The following ESRRG variants were observed in gnomAD, a reference collection of about 807,000 sequenced individuals.
ESRRG encodes the protein estrogen-related receptor gamma.
In ESRRG, 13 loss-of-function variants were observed where a neutral mutation model predicts 44.0. The observed-to-expected ratio is 0.30, with a 90% CI of 0.19 to 0.47. ESRRG has a LOEUF of 0.47. Ranked by LOEUF, ESRRG falls within the 20% of genes least tolerant of loss-of-function variation. The probability of loss-of-function intolerance (pLI) is 1.00; values close to 1 mark genes in which losing one functional copy is unlikely to be tolerated. For synonymous variants in ESRRG, 215 were observed against 214.6 expected (o/e 1.00, Z -0.02); for missense variants, 395 against 580.6 (o/e 0.68, Z 3.29).
intron 1 of ESRRG, among the ~76,000 whole-genome samples, chr1:216,715,801 T>C (rs1304145104): frequency 6.6e-6 from 1 of 152,046 alleles, no homozygotes. Flanking sequence ...ATTGTGAGTA[T>C]GAAAAAAATA....
chr1:217,130,893 CT>C (rs5780969), intron 1 of ESRRG, among the ~76,000 whole-genome samples: 7 of 151,680 alleles, frequency 4.6e-5, no homozygotes, highest in South Asian at 2.1e-4. Context: ...CTTTTATTGT[CT>C]TTTTTTTAAC....
intron 1 of ESRRG, among the ~76,000 whole-genome samples, chr1:216,962,532 G>A (rs1460018882): frequency 6.6e-6 from 1 of 151,970 alleles, no homozygotes; most frequent in African/African-American, 2.4e-5. Flanking sequence ...TCATCCATTA[G>A]ATGGTGTGTT....
At position 217,002,689 on chromosome 1, in the gene ESRRG, C is replaced by T. The variant is rs138515538; in HGVS notation, c.-105-63016G>A. Among the ~76,000 whole-genome samples, 173 of 152,210 alleles carry T rather than the reference C, an allele frequency of 1.1e-3. 1 individual carries two copies. Among genetic ancestry groups the T allele is most frequent in the African/African-American group, 3.9e-3 (162 of 41,536 alleles). On this transcript the variant is annotated intron_variant, in intron 1 of 7. Transcript: ENST00000359162. Reference sequence around the variant, plus strand: ...GGCATTATAGCTTTTACCTTGTTCTCTTGAATCACTTGCTCTAGGAGAAAC... The same window carrying T: ...GGCATTATAGCTTTTACCTTGTTCTTTTGAATCACTTGCTCTAGGAGAAAC...
At chr1:216,734,904 CTTTTTTT>C (rs11309409) in intron 2 of ESRRG, among the ~76,000 whole-genome samples, 2 of 100,374 alleles carry the variant, frequency 2.0e-5, no homozygotes, top group Admixed American at 2.5e-4. Flanking sequence ...GTTCCATATT[CTTTTTTT>C]TTTTTTTTTT....
intron 1 of ESRRG, among the ~76,000 whole-genome samples, chr1:217,013,859 T>C (rs1468673088): frequency 6.7e-6 from 1 of 150,022 alleles, no homozygotes; most frequent in African/African-American, 2.4e-5. Context: ...GGCTGAAACA[T>C]TAGCACACCA....
intron 1 of ESRRG, among the ~76,000 whole-genome samples, chr1:217,085,665 A>T (rs776947243): frequency 2.6e-5 from 4 of 151,072 alleles, no homozygotes; most frequent in Non-Finnish European, 4.4e-5. Flanking sequence ...TAATTTTTGT[A>T]TTTTTGGTAG....
intron 3 of ESRRG, among the ~76,000 whole-genome samples, chr1:216,576,468 A>C (rs1394078632): frequency 6.6e-6 from 1 of 151,992 alleles, no homozygotes; most frequent in African/African-American, 2.4e-5. Flanking sequence ...GTCTCCTGAT[A>C]GCTATCTGGA....
intron 3 of ESRRG, among the ~76,000 whole-genome samples, chr1:216,622,864 AT>A (rs2062501011): frequency 6.6e-6 from 1 of 152,058 alleles, no homozygotes; most frequent in Non-Finnish European, 1.5e-5. Flanking sequence ...GAATCTCTCT[AT>A]TTTTAGATGG....
At chr1:216,834,629 TGACCAG>T (rs1334545263) in intron 2 of ESRRG, among the ~76,000 whole-genome samples, 6 of 152,330 alleles carry the variant, frequency 3.9e-5, no homozygotes, top group Admixed American at 3.9e-4. Flanking sequence ...TGATTGTCTT[TGACCAG>T]CATCTTGAAG....
intron 2 of ESRRG, among the ~76,000 whole-genome samples, chr1:216,910,593 G>A (rs2060192884): frequency 6.6e-6 from 1 of 152,108 alleles, no homozygotes; most frequent in African/African-American, 2.4e-5. Context: ...ATAAAAATTT[G>A]GCATTTCTAA....
At chr1:216,800,530 C>T (rs1027454717) in intron 2 of ESRRG, among the ~76,000 whole-genome samples, 1 of 152,018 alleles carries the variant, frequency 6.6e-6, no homozygotes, top group African/African-American at 2.4e-5. Context: ...CGAAAGCATC[C>T]CTTTAATAAT....
chr1:216,555,478 G>A (rs188362781), intron 5 of ESRRG, among the ~76,000 whole-genome samples: 145 of 151,392 alleles, frequency 9.6e-4, no homozygotes, highest in African/African-American at 3.2e-3. Flanking sequence ...ACAAAATATA[G>A]TGTGTGTTAT....
chr1:216,662,314 G>A (rs916652363), intron 2 of ESRRG, among the ~76,000 whole-genome samples: 6 of 152,216 alleles, frequency 3.9e-5, no homozygotes, highest in Admixed American at 1.3e-4. Context: ...AAGGCACTTC[G>A]TGAGAAGCAA....
chr1:216,556,914 G>C (rs1366473558), intron 5 of ESRRG, among the ~76,000 whole-genome samples: 1 of 152,198 alleles, frequency 6.6e-6, no homozygotes, highest in African/African-American at 2.4e-5. Context: ...GCAAGAAGGA[G>C]AGAGGAGGAA....
intron 2 of ESRRG, among the ~76,000 whole-genome samples, chr1:216,666,941 A>C (rs917520267): frequency 8.6e-5 from 13 of 151,928 alleles, no homozygotes; most frequent in Non-Finnish European, 1.3e-4. Context: ...TCCTCCCCCC[A>C]AAAAAAATCA....
At chr1:216,913,056 G>A (rs1444547971) in intron 2 of ESRRG, among the ~76,000 whole-genome samples, 1 of 149,014 alleles carries the variant, frequency 6.7e-6, no homozygotes, top group Non-Finnish European at 1.5e-5. Context: ...CCCAGGGTGT[G>A]GAGGTTGCAG....
chr1:216,662,107 G>C (rs898965808), intron 2 of ESRRG, among the ~76,000 whole-genome samples: 25 of 152,092 alleles, frequency 1.6e-4, no homozygotes, highest in Non-Finnish European at 2.9e-4. Context: ...CAGGGAGTGA[G>C]TATTGATTAT....
intron 1 of ESRRG, among the ~76,000 whole-genome samples, chr1:217,105,196 C>T (rs2092573589): frequency 6.6e-6 from 1 of 152,114 alleles, no homozygotes; most frequent in African/African-American, 2.4e-5. Context: ...GACTGGTATC[C>T]TAACTTCAAT....
chr1:216,692,563 C>A (rs1293003038), intron 1 of ESRRG, among the ~76,000 whole-genome samples: 1 of 151,902 alleles, frequency 6.6e-6, no homozygotes, highest in Non-Finnish European at 1.5e-5. Flanking sequence ...TACCAGTGAA[C>A]AAAGAAAATT....
Sources: gnomAD v4.1 joint callset for allele counts (sites outside exome capture counted in the v4.1 genomes callset) on GRCh38, gnomAD v4.1.1 for gene constraint, MANE v1.5 for transcripts, NCBI Gene and HGNC (gene_info 2026-07-23, HGNC 2026-07-21) for gene names.